Variants in RPL15 observed in about 807,000 individuals in gnomAD.
RPL15 encodes the protein ribosomal protein L15, also known as large ribosomal subunit protein eL15.
For missense variants in RPL15, 161 were observed against 271.8 expected, an observed-to-expected ratio of 0.59 and a Z score of 2.87; for synonymous variants, 97 against 95.1, an observed-to-expected ratio of 1.02 and a Z score of -0.12.
In RPL15 at chr3:23,920,031, C is replaced by T; in HGVS notation, c.*530C>T. Reference sequence around the variant, plus strand: ...GAAAGCTCCTGGTTCAGTGCCATGGCTTCATGGCATTCAGTGATTAGTGGT... The same window carrying T: ...GAAAGCTCCTGGTTCAGTGCCATGGTTTCATGGCATTCAGTGATTAGTGGT... On this transcript the variant is annotated 3_prime_UTR_variant, in exon 4 of 4. Coordinates refer to ENST00000307839, the MANE Select transcript of RPL15 (RefSeq NM_002948.5). 1.0e-6 allele frequency: 1 copy of T among 985,070 alleles called. No individual in the cohort carries two copies. Among genetic ancestry groups the T allele is most frequent in the Non-Finnish European group, 1.2e-6 (1 of 829,222 alleles). 61.0% of individuals were successfully genotyped at this position (985,070 alleles called of 1,614,324 possible).
chr3:23,920,898 C>CA lies in RPL15; in HGVS notation c.*1400dup, dbSNP rs774260484. 2.7e-4 allele frequency: 118 copies of CA among 433,102 alleles called. No homozygotes were observed. The highest frequency in any genetic ancestry group is 1.2e-3 in the Middle Eastern group (1 of 844). 26.8% of individuals were successfully genotyped at this position (433,102 alleles called of 1,614,324 possible). A position where few individuals can be genotyped will look rare whatever the true frequency, so the allele number is the denominator to read the frequency against. On this transcript the variant is annotated 3_prime_UTR_variant, in exon 4 of 4. Coordinates refer to ENST00000307839, the MANE Select transcript of RPL15 (RefSeq NM_002948.5). ...CTTACAGTGCTAATGTACTTTAAAG[C>CA]AAACCAAATGCCCTAACCAGCAAAA...
At chr3:23,921,508 T>C, downstream of RPL15, 1 of 672,614 alleles carries the variant, frequency 1.5e-6, no homozygotes, top group Non-Finnish European at 2.7e-6. Context: ...CCACAAGCTG[T>C]TCCCATTTGC....
rs1197022405 is a variant in RPL15, at chr3:23,920,845, A to T, written c.*1344A>T. On this transcript the variant is annotated 3_prime_UTR_variant, in exon 4 of 4. Coordinates refer to ENST00000307839, the MANE Select transcript of RPL15 (RefSeq NM_002948.5). ...GAATAAATGTCTATTAAACTAAAAC[A>T]AATGGACCTTCTGTTATTTTTTGTC... 4.5e-6 allele frequency: 4 copies of T among 884,500 alleles called. No homozygotes were observed. The highest frequency in any genetic ancestry group is 5.4e-6 in the Non-Finnish European group (4 of 738,034). 54.8% of individuals were successfully genotyped at this position (884,500 alleles called of 1,614,324 possible).
Position 23,918,014 on chromosome 3 carries a change from G to T in RPL15, c.155G>T (p.Gly52Val). 1 of 1,609,418 alleles carries T rather than the reference G, an allele frequency of 6.2e-7. No homozygotes were observed. Among genetic ancestry groups the T allele is most frequent in the Non-Finnish European group, 8.5e-7 (1 of 1,178,560 alleles). Residue 52 changes from glycine to valine, a missense_variant, in exon 2 of 4, where the codon GGC (glycine) becomes GTC (valine). Physicochemically the swap from Gly to Val is moderately radical, Grantham distance 109 (BLOSUM62 -3). Transcript: ENST00000307839. ...PTRPDKARRL[G>V]YKAKQGYVIY... ...CGGCCTGATAAAGCGCGCCGACTGGGCTACAAGGCCAAGCAAGGTACGTGA... is the reference window on the plus strand; with the variant it reads ...CGGCCTGATAAAGCGCGCCGACTGGTCTACAAGGCCAAGCAAGGTACGTGA...
At chr3:23,924,601 T>C (rs1449025840), downstream of RPL15, among the ~76,000 whole-genome samples, 1 of 152,114 alleles carries the variant, frequency 6.6e-6, no homozygotes, top group Non-Finnish European at 1.5e-5. Context: ...GTTTGCACCA[T>C]GTTTGCCAGG....
Position 23,920,119 on chromosome 3 carries a change from G to A in RPL15, c.*618G>A. ...GATAAAATTATTAGCCTTAAGATTG[G>A]TAAGCTAGCAATGAATGCTAGGGTG... On this transcript the variant is annotated 3_prime_UTR_variant, in exon 4 of 4. Coordinates refer to ENST00000307839, the MANE Select transcript of RPL15 (RefSeq NM_002948.5). 1.0e-6 allele frequency: 1 copy of A among 985,794 alleles called. No individual in the cohort carries two copies. The highest frequency in any genetic ancestry group is 4.7e-5 in the South Asian group (1 of 21,284). 61.1% of individuals were successfully genotyped at this position (985,794 alleles called of 1,614,324 possible).
rs764132899 is a variant in RPL15 at position 23,919,452 on chromosome 3, G to A, written c.566G>A (p.Arg189Gln). ...KFHHTIGGSR[R>Q]AAWRRRNTLQ... The stretch of plus-strand genomic sequence containing the variant: ...CACCACACTATTGGTGGCTCTCGCC[G>A]GGCAGCTTGGAGAAGGCGCAATACT... The change falls in exon 4 of 4, where the codon CGG (arginine) becomes CAG (glutamine). Residue 189 changes from arginine (R) to glutamine (Q), a missense_variant. Transcript: ENST00000307839. 1.1e-4 allele frequency: 174 copies of A among 1,603,506 alleles called. No homozygotes were observed. In the Middle Eastern group the frequency reaches 1.2e-3, roughly 11 times the overall value.
At chr3:23,917,770 T>TG (rs1704729541) in intron 1 of RPL15, 80 bp from the exon 2 acceptor site, 1 of 1,391,494 alleles carries the variant, frequency 7.2e-7, no homozygotes, top group Non-Finnish European at 9.8e-7. Flanking sequence ...TTGTTTTTGT[T>TG]GGGGAACTAA....
intron 2 of RPL15, 110 bp downstream of exon 2, chr3:23,918,141 T>C: frequency 7.3e-7 from 1 of 1,377,078 alleles, no homozygotes; most frequent in South Asian, 1.4e-5. Flanking sequence ...CATAGGGCTT[T>C]GGCAGAAAAA....
In RPL15 at chr3:23,920,111, T is replaced by C; in HGVS notation, c.*610T>C. ...GAATGTGCGATAAAATTATTAGCCTTAAGATTGGTAAGCTAGCAATGAATG... is the reference window on the plus strand; with the variant it reads ...GAATGTGCGATAAAATTATTAGCCTCAAGATTGGTAAGCTAGCAATGAATG... On this transcript the variant is annotated 3_prime_UTR_variant, in exon 4 of 4. Coordinates refer to ENST00000307839, the MANE Select transcript of RPL15 (RefSeq NM_002948.5). 1 of 985,856 alleles carries C rather than the reference T, an allele frequency of 1.0e-6. No homozygotes were observed. Among genetic ancestry groups the C allele is most frequent in the Non-Finnish European group, 1.2e-6 (1 of 829,916 alleles). 61.1% of individuals were successfully genotyped at this position (985,856 alleles called of 1,614,324 possible).
intron 3 of RPL15, 103 bp from the exon 4 acceptor site, chr3:23,919,093 A>AC (rs1406315882): frequency 1.3e-6 from 1 of 757,294 alleles, no homozygotes; most frequent in African/African-American, 1.7e-5. Context: ...GTAGTAAAAG[A>AC]CTCTTGTCTG....
Position 23,919,192 on chromosome 3 carries a change from C to A in RPL15, c.310-4C>A. 2 of 1,610,416 alleles carry A rather than the reference C, an allele frequency of 1.2e-6. No individual in the cohort carries two copies. The highest frequency in any genetic ancestry group is 1.7e-6 in the Non-Finnish European group (2 of 1,177,288). On this transcript the variant is annotated splice_polypyrimidine_tract_variant and splice_region_variant and intron_variant, in intron 3 of 3. Coordinates refer to ENST00000307839, the MANE Select transcript of RPL15 (RefSeq NM_002948.5). ...TTGACCTTGGGCCTTTTTTCCTATT[C>A]TAGGAGCGAGCTGGACGCCACTGTG...
intron 2 of RPL15, 161 bp from the exon 3 acceptor site, chr3:23,918,279 A>G: frequency 1.1e-6 from 1 of 929,624 alleles, no homozygotes; most frequent in Admixed American, 2.9e-5. Flanking sequence ...TGAGTAGCCT[A>G]AGGTGCATTG....
Position 23,920,325 on chromosome 3 carries a change from T to A in RPL15, c.*824T>A, listed in dbSNP as rs1705005309. ...TAGTCCAGTCAGTCTTAAAAACATC[T>A]TGGGTTACCCACTCTGTCCACTCCC... On this transcript the variant is annotated 3_prime_UTR_variant, in exon 4 of 4. Coordinates refer to ENST00000307839, the MANE Select transcript of RPL15 (RefSeq NM_002948.5). 1 of 985,584 alleles carries A rather than the reference T, an allele frequency of 1.0e-6. No homozygotes were observed. Among genetic ancestry groups the A allele is most frequent in the Admixed American group, 6.2e-5 (1 of 16,252 alleles). The allele number at this position is 985,584 out of a possible 1,614,324, so 61.1% of individuals were successfully genotyped here.
At position 23,920,358 on chromosome 3, in the gene RPL15, A is replaced by G. The variant is rs1319721256; in HGVS notation, c.*857A>G. The G allele has an allele frequency of 9.1e-6, 9 of 985,372 alleles. No individual in the cohort carries two copies. Among genetic ancestry groups the G allele is most frequent in the Non-Finnish European group, 9.6e-6 (8 of 829,862 alleles). The allele number at this position is 985,372 out of a possible 1,614,324, so 61.0% of individuals were successfully genotyped here. A position where few individuals can be genotyped will look rare whatever the true frequency, so the allele number is the denominator to read the frequency against. On this transcript the variant is annotated 3_prime_UTR_variant, in exon 4 of 4. Coordinates refer to ENST00000307839, the MANE Select transcript of RPL15 (RefSeq NM_002948.5). ...CCCACTCTGTCCACTCCCATAGGCT[A>G]CAGAAAAAGTCACAAGCGCATGGTT... is the stretch of plus-strand genomic sequence containing the variant.
At chr3:23,923,580 T>C (rs920601963), downstream of RPL15, 2 of 152,232 alleles carry the variant, frequency 1.3e-5, no homozygotes, top group Non-Finnish European at 1.5e-5. Flanking sequence ...CCATGATTCA[T>C]TGGATGTGGA....
In RPL15 at chr3:23,920,436, C is replaced by G; in HGVS notation, c.*935C>G. 3 of 985,420 alleles carry G rather than the reference C, an allele frequency of 3.0e-6. No homozygotes were observed. Among genetic ancestry groups the G allele is most frequent in the Non-Finnish European group, 3.6e-6 (3 of 829,938 alleles). 61.0% of individuals were successfully genotyped at this position (985,420 alleles called of 1,614,324 possible). A position where few individuals can be genotyped will look rare whatever the true frequency, so the allele number is the denominator to read the frequency against. ...TTTCTCTTGTTCTGGCCAAACAACCCTAAAAATCCTTACCATTCCACAAAG... is the reference window on the plus strand; with the variant it reads ...TTTCTCTTGTTCTGGCCAAACAACCGTAAAAATCCTTACCATTCCACAAAG... On this transcript the variant is annotated 3_prime_UTR_variant, in exon 4 of 4. Coordinates refer to ENST00000307839, the MANE Select transcript of RPL15 (RefSeq NM_002948.5).
At chr3:23,923,004 ATGT>A (rs1705138849), downstream of RPL15, 1 of 152,106 alleles carries the variant, frequency 6.6e-6, no homozygotes, top group African/African-American at 2.4e-5. Flanking sequence ...GGGTTTCACC[ATGT>A]TGTTCAGGCT....
At chr3:23,921,699 C>A, downstream of RPL15, 1 of 657,294 alleles carries the variant, frequency 1.5e-6, no homozygotes, top group South Asian at 1.7e-5. Context: ...CTCGGCCTCC[C>A]AAATAGCCAG....
Sources: gnomAD v4.1 joint callset for allele counts (sites outside exome capture counted in the v4.1 genomes callset) on GRCh38, gnomAD v4.1.1 for gene constraint, MANE v1.5 for transcripts, NCBI Gene and HGNC (gene_info 2026-07-23, HGNC 2026-07-21) for gene names.